The following TRAPPC3L variants were observed in gnomAD, a reference collection of about 807,000 sequenced individuals.
The protein encoded by TRAPPC3L is trafficking protein particle complex subunit 3-like protein.
In TRAPPC3L, 23 loss-of-function variants were observed where a neutral mutation model predicts 23.7. The observed-to-expected ratio is 0.97, with a 90% CI of 0.70 to 1.37. The LOEUF (loss-of-function observed/expected upper bound fraction) is 1.37. Ranked by LOEUF, TRAPPC3L falls within the 40% of genes most tolerant of loss-of-function variation. The probability of loss-of-function intolerance (pLI) is 0.00; values close to 1 mark genes in which losing one functional copy is unlikely to be tolerated. For missense variants in TRAPPC3L, 212 were observed against 216.8 expected, an observed-to-expected ratio of 0.98 and a Z score of 0.14; for synonymous variants, 81 against 77.9, an observed-to-expected ratio of 1.04 and a Z score of -0.21.
chr6:116,525,756 G>A (rs973361642), intron 3 of TRAPPC3L, among the ~76,000 whole-genome samples: 1 of 152,208 alleles, frequency 6.6e-6, no homozygotes, highest in Non-Finnish European at 1.5e-5. Flanking sequence ...ATGATATTAA[G>A]TAACTTTGCT....
chr6:116,512,014 C>CTCAT, intron 3 of TRAPPC3L: 1 of 1,613,998 alleles, frequency 6.2e-7, no homozygotes, highest in Non-Finnish European at 8.5e-7. Context: ...TCACTCTGAG[C>CTCAT]TCATTGGTGG....
chr6:116,504,094 GT>G (rs887401164), intron 3 of TRAPPC3L, among the ~76,000 whole-genome samples: 8 of 152,056 alleles, frequency 5.3e-5, no homozygotes, highest in Non-Finnish European at 8.8e-5. Flanking sequence ...TCCAGGAGCT[GT>G]TTTTTTGAAA....
chr6:116,513,631 C>T (rs1772167735), intron 3 of TRAPPC3L, among the ~76,000 whole-genome samples: 1 of 152,166 alleles, frequency 6.6e-6, no homozygotes, highest in Non-Finnish European at 1.5e-5. Context: ...TGGGAAGATG[C>T]ATAAGGAATG....
intron 3 of TRAPPC3L, among the ~76,000 whole-genome samples, chr6:116,530,625 G>C (rs1209256259): frequency 6.6e-6 from 1 of 152,066 alleles, no homozygotes; most frequent in Non-Finnish European, 1.5e-5. Context: ...CTTGCTAATG[G>C]TCTAAAATAT....
rs151271478 is a variant in TRAPPC3L at position 116,512,131 on chromosome 6, G to A, written c.241-11465C>T. On this transcript the variant is annotated intron_variant, in intron 3 of 4. Coordinates refer to ENST00000368602, the MANE Select transcript of TRAPPC3L (RefSeq NM_001139444.3). ...TCCTGGAACTGATTTGCAAGGGTAA[G>A]CCCAAAGAGTGCTGGGAAGAACTTC... 4.3e-4 allele frequency: 691 copies of A among 1,613,908 alleles called. 2 individuals are homozygous for A. Among genetic ancestry groups the A allele is most frequent in the African/African-American group, 3.9e-3 (289 of 75,044 alleles).
intron 2 of TRAPPC3L, among the ~76,000 whole-genome samples, chr6:116,540,979 C>A (rs757214324): frequency 6.6e-6 from 1 of 152,006 alleles, no homozygotes; most frequent in African/African-American, 2.4e-5. Flanking sequence ...GTGAGAGTTT[C>A]GGCATCTTCA....
chr6:116,525,537 G>A (rs1047181044), intron 3 of TRAPPC3L, among the ~76,000 whole-genome samples: 6 of 152,048 alleles, frequency 3.9e-5, no homozygotes, highest in Non-Finnish European at 7.4e-5. Context: ...ATATATTTTA[G>A]AGTCCACCTT....
chr6:116,515,563 C>T (rs767476358), intron 3 of TRAPPC3L: 31 of 1,557,728 alleles, frequency 2.0e-5, no homozygotes, highest in Admixed American at 1.7e-4. Flanking sequence ...AATGGCTTTG[C>T]TTTCACGTGT....
intron 3 of TRAPPC3L, among the ~76,000 whole-genome samples, chr6:116,514,152 G>A (rs1772177555): frequency 6.6e-6 from 1 of 152,036 alleles, no homozygotes. Flanking sequence ...GTTTGACTCT[G>A]GGTACTGTGA....
intron 3 of TRAPPC3L, chr6:116,523,578 G>A (rs1772385410): frequency 6.6e-6 from 1 of 152,196 alleles, no homozygotes; most frequent in Admixed American, 6.5e-5. Context: ...ACTATTAGGT[G>A]AAAGCAGAAT....
rs1024870398 is a variant in TRAPPC3L at position 116,530,623 on chromosome 6, T to C, written c.240+9740A>G. Among the ~76,000 whole-genome samples, 4 of 152,182 alleles carry C rather than the reference T, an allele frequency of 2.6e-5. No homozygotes were observed. In the East Asian group the frequency reaches 5.8e-4, roughly 22 times the overall value. ...ATAATGTCTGCCCCACTCTTGCTAA[T>C]GGTCTAAAATATTTACTTTGCATTA... On this transcript the variant is annotated intron_variant, in intron 3 of 4. Transcript: ENST00000368602.
chr6:116,533,141 G>A lies in TRAPPC3L; in HGVS notation c.240+7222C>T, dbSNP rs13207904. Reference sequence around the variant, plus strand: ...ACGGAAGAAAGTATAAATTATTGGCGGGTGATATTCTGGAGTTCTTGGCCA... The same window carrying A: ...ACGGAAGAAAGTATAAATTATTGGCAGGTGATATTCTGGAGTTCTTGGCCA... On this transcript the variant is annotated intron_variant, in intron 3 of 4. Coordinates refer to ENST00000368602, the MANE Select transcript of TRAPPC3L (RefSeq NM_001139444.3). Among the ~76,000 whole-genome samples the A allele has an allele frequency of 1.6e-3, 238 of 152,196 alleles. 1 individual carries two copies. Among genetic ancestry groups the A allele is most frequent in the Admixed American group, 3.9e-3 (59 of 15,296 alleles).
At chr6:116,530,902 C>CATATATATATATATATATATATATAT in intron 3 of TRAPPC3L, among the ~76,000 whole-genome samples, 1 of 76,484 alleles carries the variant, frequency 1.3e-5, no homozygotes, top group Admixed American at 1.4e-4. Context: ...AAGTGAGACT[C>CATATATATATATATATATATATATAT]ATATATATAT....
At chr6:116,497,632 C>A (rs566335406) in intron 4 of TRAPPC3L, among the ~76,000 whole-genome samples, 1 of 152,040 alleles carries the variant, frequency 6.6e-6, no homozygotes, top group Non-Finnish European at 1.5e-5. Context: ...ATATTTGATA[C>A]TCAGGCCTTC....
intron 3 of TRAPPC3L, chr6:116,522,769 G>A (rs959144385): frequency 1.3e-5 from 2 of 152,090 alleles, no homozygotes; most frequent in Non-Finnish European, 1.5e-5. Context: ...TCTTCTAGTC[G>A]TCTCTCAAAA....
chr6:116,512,194 C>G (rs772794303), intron 3 of TRAPPC3L: 14 of 1,607,692 alleles, frequency 8.7e-6, no homozygotes, highest in Non-Finnish European at 1.2e-5. Context: ...TGCTACCTAC[C>G]GTCAATGAAG....
intron 1 of TRAPPC3L, among the ~76,000 whole-genome samples, chr6:116,545,033 T>C (rs1220921156): frequency 6.6e-6 from 1 of 151,878 alleles, no homozygotes; most frequent in Non-Finnish European, 1.5e-5. Flanking sequence ...CTAGGAAACA[T>C]TTTTAAAGGC....
At chr6:116,515,224 C>G (rs1224245146) in intron 3 of TRAPPC3L, among the ~76,000 whole-genome samples, 2 of 152,148 alleles carry the variant, frequency 1.3e-5, no homozygotes, top group African/African-American at 4.8e-5. Context: ...AAGAGCTGGT[C>G]ATTTACTCAA....
At chr6:116,534,896 A>T (rs1772980522) in intron 3 of TRAPPC3L, among the ~76,000 whole-genome samples, 1 of 152,162 alleles carries the variant, frequency 6.6e-6, no homozygotes, top group South Asian at 2.1e-4. Context: ...AAGTCTTTTT[A>T]TGCTGTATTT....
Sources: allele counts gnomAD v4.1 joint callset (sites outside exome capture counted in the v4.1 genomes callset), GRCh38; gene constraint gnomAD v4.1.1; transcripts MANE v1.5; gene names NCBI Gene and HGNC (gene_info 2026-07-23, HGNC 2026-07-21).